Variants in PLCH1 observed in about 807,000 individuals in gnomAD.
PLCH1 encodes the protein phospholipase C eta 1, also known as 1-phosphatidylinositol 4,5-bisphosphate phosphodiesterase eta-1.
Under a neutral mutation model 126.7 loss-of-function variants are expected in PLCH1, and 60 were observed. The observed-to-expected ratio is 0.47, with a 90% CI of 0.38 to 0.59. The LOEUF (loss-of-function observed/expected upper bound fraction) is 0.59. Ranked by LOEUF, PLCH1 falls within the 20% of genes least tolerant of loss-of-function variation. The probability of loss-of-function intolerance (pLI) is 0.00; values close to 1 mark genes in which losing one functional copy is unlikely to be tolerated. For missense variants in PLCH1, 1,723 were observed against 2,040.0 expected, an observed-to-expected ratio of 0.84 and a Z score of 2.99; for synonymous variants, 719 against 734.9, an observed-to-expected ratio of 0.98 and a Z score of 0.35.
chr3:155,504,962 A>G (rs1718438067), intron 12 of PLCH1, among the ~76,000 whole-genome samples: 1 of 152,158 alleles, frequency 6.6e-6, no homozygotes, highest in East Asian at 1.9e-4. Context: ...ACAGCACAGG[A>G]TGTGTTCTTT....
At chr3:155,516,696 A>G (rs1396040290) in intron 11 of PLCH1, among the ~76,000 whole-genome samples, 1 of 152,120 alleles carries the variant, frequency 6.6e-6, no homozygotes, top group Non-Finnish European at 1.5e-5. Flanking sequence ...GCCTAGGCCA[A>G]TGTGCTGGGG....
intron 2 of PLCH1, among the ~76,000 whole-genome samples, chr3:155,699,679 C>G (rs940598445): frequency 1.3e-5 from 2 of 152,184 alleles, no homozygotes; most frequent in Non-Finnish European, 2.9e-5. Context: ...TGGAATTCTT[C>G]TCTTTTCTTC....
chr3:155,716,398 A>G (rs1008944306), intron 1 of PLCH1, among the ~76,000 whole-genome samples: 1 of 152,214 alleles, frequency 6.6e-6, no homozygotes, highest in African/African-American at 2.4e-5. Flanking sequence ...CCATTCTTGC[A>G]TTGGCATAAA....
At chr3:155,721,156 TC>T (rs1433209676) in intron 1 of PLCH1, among the ~76,000 whole-genome samples, 2 of 152,218 alleles carry the variant, frequency 1.3e-5, no homozygotes, top group Admixed American at 6.6e-5. Flanking sequence ...ATAGGATGCC[TC>T]CAGATTTGTT....
At chr3:155,478,571 T>C (rs569746060), downstream of PLCH1, among the ~76,000 whole-genome samples, 20 of 152,102 alleles carry the variant, frequency 1.3e-4, no homozygotes, top group Non-Finnish European at 2.5e-4. Context: ...TAAAAAAATT[T>C]AAAAAGGAAG....
intron 2 of PLCH1, among the ~76,000 whole-genome samples, chr3:155,664,444 T>C (rs902139808): frequency 3.3e-5 from 5 of 152,346 alleles, no homozygotes; most frequent in African/African-American, 1.2e-4. Context: ...CTGGCAAACA[T>C]TTTTTGTATA....
intron 2 of PLCH1, among the ~76,000 whole-genome samples, chr3:155,677,498 C>G (rs1412926677): frequency 6.6e-6 from 1 of 152,218 alleles, no homozygotes; most frequent in East Asian, 1.9e-4. Context: ...CATCACTATA[C>G]AAAATAGCCA....
At chr3:155,609,650 A>G (rs1452077714) in intron 2 of PLCH1, among the ~76,000 whole-genome samples, 1 of 152,136 alleles carries the variant, frequency 6.6e-6, no homozygotes, top group African/African-American at 2.4e-5. Flanking sequence ...AGAAAATAAT[A>G]AAGGATATGA....
At chr3:155,661,270 G>A (rs891645843) in intron 2 of PLCH1, among the ~76,000 whole-genome samples, 1 of 152,142 alleles carries the variant, frequency 6.6e-6, no homozygotes, top group African/African-American at 2.4e-5. Context: ...AGAGAGAGAG[G>A]TTGAACAGAG....
chr3:155,543,610 CG>C (rs1421013656), intron 10 of PLCH1, among the ~76,000 whole-genome samples: 1 of 151,774 alleles, frequency 6.6e-6, no homozygotes, highest in East Asian at 1.9e-4. Context: ...GTTGAAATGA[CG>C]GAAAAAATGT....
downstream of PLCH1, among the ~76,000 whole-genome samples, chr3:155,476,344 T>C (rs893629137): frequency 6.6e-6 from 1 of 152,032 alleles, no homozygotes; most frequent in African/African-American, 2.4e-5. Context: ...TCATATTGAA[T>C]GGGGGAAAAA....
intron 4 of PLCH1, among the ~76,000 whole-genome samples, chr3:155,589,120 T>C (rs906061606): frequency 6.6e-6 from 1 of 152,302 alleles, no homozygotes; most frequent in South Asian, 2.1e-4. Context: ...AGTAATGATC[T>C]AGGATTTTCT....
At chr3:155,569,251 T>C (rs1728905104) in intron 6 of PLCH1, among the ~76,000 whole-genome samples, 1 of 152,194 alleles carries the variant, frequency 6.6e-6, no homozygotes, top group Non-Finnish European at 1.5e-5. Context: ...CATTTTAAAA[T>C]ATTAATGAAT....
intron 21 of PLCH1, among the ~76,000 whole-genome samples, chr3:155,452,954 TA>T (rs1712345213): frequency 6.6e-6 from 1 of 152,154 alleles, no homozygotes; most frequent in Middle Eastern, 3.2e-3. Flanking sequence ...TATCTACTAT[TA>T]AAATGAGGAT....
rs755401698 is a variant in PLCH1 at position 155,482,334 on chromosome 3, T to C, written c.3692A>G (p.Lys1231Arg). ...LPSLGLKMPIKHGFCKGKSKS... is the reference protein window; with the variant it reads ...LPSLGLKMPIRHGFCKGKSKS... ...GGATTTTCCCTTGCAAAAACCATGC[T>C]TGATGGGCATTTTTAGGCCCAGGCT... The change falls in exon 23 of 23, where the codon AAG becomes AGG. Residue 1231 changes from lysine (K) to arginine (R), a missense_variant. Physicochemically the swap from Lys to Arg is conservative, Grantham distance 26. This residue lies in a region of PLCH1 where 947 missense variants were observed against 977.1 expected (regional missense o/e 0.97). Transcript: ENST00000460012. 1.9e-6 allele frequency: 3 copies of C among 1,614,050 alleles called. No homozygotes were observed. The highest frequency in any genetic ancestry group is 1.7e-5 in the Admixed American group (1 of 59,994).
At chr3:155,676,465 C>G in intron 2 of PLCH1, 2 of 896,858 alleles carry the variant, frequency 2.2e-6, no homozygotes, top group African/African-American at 3.6e-5. Flanking sequence ...CAAAGAAACC[C>G]TCCTCACCTT....
At position 155,481,519 on chromosome 3, in the gene PLCH1, A is replaced by C. The variant is rs747194421; in HGVS notation, c.4507T>G (p.Tyr1503Asp). Residue 1503 changes from tyrosine (Y) to aspartate (D), a missense_variant, in exon 23 of 23, where the codon TAC becomes GAC. This residue lies in a region of PLCH1 where 947 missense variants were observed against 977.1 expected (regional missense o/e 0.97). Transcript: ENST00000460012. The surrounding 1 kb of genome is among the most constrained non-coding windows in gnomAD (Gnocchi z 4.2). ...EDIACNFESKYQCISKSFVTT... is the reference protein window; with the variant it reads ...EDIACNFESKDQCISKSFVTT... ...ACAAAACTCTTACTAATACACTGGT[A>C]CTTGCTCTCAAAATTGCAGGCAATG... 6.2e-7 allele frequency: 1 copy of C among 1,614,034 alleles called. No individual in the cohort carries two copies. Among genetic ancestry groups the C allele is most frequent in the Non-Finnish European group, 8.5e-7 (1 of 1,180,008 alleles).
At chr3:155,725,981 G>A (rs1408346967) in intron 1 of PLCH1, among the ~76,000 whole-genome samples, 1 of 151,890 alleles carries the variant, frequency 6.6e-6, no homozygotes, top group Non-Finnish European at 1.5e-5. Context: ...CTAATTTTTA[G>A]TAGTTGCCCT....
chr3:155,743,226 A>T, intron 1 of PLCH1: 1 of 454,026 alleles, frequency 2.2e-6, no homozygotes, highest in South Asian at 1.6e-5. Context: ...TCACAATTTT[A>T]TGAAAATGAA....
Sources: gnomAD v4.1 joint callset for allele counts (sites outside exome capture counted in the v4.1 genomes callset) on GRCh38, gnomAD v4.1.1 for gene constraint, gnomAD v4.1.1 regional missense constraint, Gnocchi (gnomAD v3.1) non-coding constraint, MANE v1.5 for transcripts, NCBI Gene and HGNC (gene_info 2026-07-23, HGNC 2026-07-21) for gene names.